TECPR1: variants seen among roughly 807,000 people sequenced by gnomAD.
TECPR1 encodes the protein tectonin beta-propeller repeat-containing protein 1.
In TECPR1, 122 loss-of-function variants were observed where a neutral mutation model predicts 162.4. That is an observed-to-expected ratio of 0.75 (90% CI 0.65 to 0.87). TECPR1 has a LOEUF of 0.87. TECPR1 is among the 40% of genes least tolerant of loss of function. The pLI is 0.00. For missense variants in TECPR1, 1,432 were observed against 1,618.2 expected (o/e 0.88, Z 1.97); for synonymous variants, 642 against 670.6 (o/e 0.96, Z 0.66).
In TECPR1 at chr7:98,221,643, A is replaced by T. The variant is rs777506180; in HGVS notation, c.3157+18T>A. ...TGCCCAGCCAAAACATTAAAAATTT[A>T]AAAAAAGAGCAACTTGCCATTCTCA... On this transcript the variant is annotated intron_variant, in intron 23 of 25. Transcript: ENST00000447648. The T allele has an allele frequency of 9.3e-5, 149 of 1,610,532 alleles. No homozygotes were observed. The highest frequency in any genetic ancestry group is 3.2e-4 in the Admixed American group (19 of 59,938).
At chr7:98,237,029 G>T (rs1798622546) in intron 9 of TECPR1, 108 bp from the exon 10 acceptor site, 1 of 1,277,212 alleles carries the variant, frequency 7.8e-7, no homozygotes, top group Non-Finnish European at 1.0e-6. Flanking sequence ...GCAGGTGTGT[G>T]TGGGCTGGGA....
At chr7:98,245,830 T>C in intron 3 of TECPR1, 92 bp downstream of exon 3, 1 of 1,181,796 alleles carries the variant, frequency 8.5e-7, no homozygotes, top group Non-Finnish European at 1.2e-6. Context: ...GTGGGGAATC[T>C]GGGGCCTCTA....
chr7:98,222,770 C>T, intron 21 of TECPR1: 1 of 792,816 alleles, frequency 1.3e-6, no homozygotes, highest in South Asian at 1.7e-5. Flanking sequence ...CCACCAAGGA[C>T]TGGGTGCCAA....
At chr7:98,219,168 G>A (rs1334793819) in intron 23 of TECPR1, among the ~76,000 whole-genome samples, 1 of 152,068 alleles carries the variant, frequency 6.6e-6, no homozygotes, top group East Asian at 1.9e-4. Flanking sequence ...AATGGTGCTG[G>A]GTAAACTGGA....
chr7:98,223,782 A>T, intron 19 of TECPR1, 64 bp from the exon 20 acceptor site: 4 of 1,558,988 alleles, frequency 2.6e-6, no homozygotes, highest in Non-Finnish European at 3.5e-6. Flanking sequence ...GGGACCGTGC[A>T]TGTAAACATT....
chr7:98,239,074 C>T (rs1025657409), intron 8 of TECPR1, among the ~76,000 whole-genome samples: 3 of 152,212 alleles, frequency 2.0e-5, no homozygotes, highest in African/African-American at 7.2e-5. Context: ...TTCATGTCGA[C>T]GTGTAAAAAT....
chr7:98,217,309 T>C lies in TECPR1; in HGVS notation c.*81A>G. On this transcript the variant is annotated 3_prime_UTR_variant, in exon 26 of 26. Transcript: ENST00000447648. ...CACCTGGGCCACATTGCTCCCACGG[T>C]GCACACTCCAGCACAAGAATGGCTC... is the stretch of plus-strand genomic sequence containing the variant. The C allele has an allele frequency of 1.0e-6, 1 of 962,214 alleles. No individual in the cohort carries two copies. Among genetic ancestry groups the C allele is most frequent in the South Asian group, 1.7e-5 (1 of 60,004 alleles). 59.6% of individuals were successfully genotyped at this position (962,214 alleles called of 1,614,324 possible).
intron 16 of TECPR1, chr7:98,228,497 G>A (rs778097800): frequency 3.7e-4 from 95 of 254,572 alleles, no homozygotes; most frequent in Admixed American, 6.7e-4. Flanking sequence ...CGTGAGCCCC[G>A]GCTTCCTCAC....
chr7:98,245,789 A>T, intron 3 of TECPR1, 133 bp downstream of exon 3: 1 of 836,378 alleles, frequency 1.2e-6, no homozygotes, highest in Non-Finnish European at 1.9e-6. Context: ...ACAGATTTTA[A>T]GTACAAGGAA....
chr7:98,248,312 C>A (rs1184550992), intron 2 of TECPR1, among the ~76,000 whole-genome samples: 1 of 152,058 alleles, frequency 6.6e-6, no homozygotes, highest in Non-Finnish European at 1.5e-5. Context: ...GGACACTGGC[C>A]CGGGGCCTGA....
rs570774343 is a variant in TECPR1, at chr7:98,244,426, G to A, written c.531+145C>T. 5.4e-5 allele frequency: 57 copies of A among 1,059,752 alleles called. 1 individual carries two copies. Among genetic ancestry groups the A allele is most frequent in the Middle Eastern group, 5.3e-4 (2 of 3,748 alleles). The allele number at this position is 1,059,752 out of a possible 1,614,324, so 65.6% of individuals were successfully genotyped here. Reference sequence around the variant, plus strand: ...GGACACGCAGTGTCGTGGTGTTCCCGGGACAGGAAACAGCTCAAAGGCCAG... The same window carrying A: ...GGACACGCAGTGTCGTGGTGTTCCCAGGACAGGAAACAGCTCAAAGGCCAG... On this transcript the variant is annotated intron_variant, in intron 5 of 25. Transcript: ENST00000447648.
At chr7:98,223,747 G>A in intron 19 of TECPR1, 29 bp from the exon 20 acceptor site, 2 of 1,612,882 alleles carry the variant, frequency 1.2e-6, no homozygotes, top group Non-Finnish European at 1.7e-6. Context: ...TGAAATCAGG[G>A]CCACTTCGTG....
Position 98,232,415 on chromosome 7 carries a change from G to A in TECPR1, c.1818+412C>T, listed in dbSNP as rs372240503. 1.3e-5 allele frequency among the ~76,000 whole-genome samples: 2 copies of A among 152,172 alleles called. No homozygotes were observed. Among genetic ancestry groups the A allele is most frequent in the East Asian group, 3.9e-4 (2 of 5,152 alleles). On this transcript the variant is annotated intron_variant, in intron 12 of 25. Transcript: ENST00000447648. The surrounding 1 kb of genome is among the most constrained non-coding windows in gnomAD (Gnocchi z 4.6). ...GAGGGCCGGGCTCTGCCACAGGATA[G>A]TGGGGCAGAAGCAGGGTCAGCCCAG...
intron 8 of TECPR1, 40 bp downstream of exon 8, chr7:98,240,811 C>A: frequency 6.5e-7 from 1 of 1,530,226 alleles, no homozygotes; most frequent in Non-Finnish European, 8.8e-7. Flanking sequence ...GTCTCCAACT[C>A]CTGGGCTCAA....
At chr7:98,234,866 G>C (rs936771514) in intron 10 of TECPR1, among the ~76,000 whole-genome samples, 1 of 151,858 alleles carries the variant, frequency 6.6e-6, no homozygotes, top group African/African-American at 2.4e-5. Flanking sequence ...CCATGCCACA[G>C]CACCCAGATA....
At chr7:98,225,225 G>A in intron 17 of TECPR1, 123 bp from the exon 18 acceptor site, 1 of 863,034 alleles carries the variant, frequency 1.2e-6, no homozygotes, top group Non-Finnish European at 1.9e-6. Context: ...CCACCTCCAG[G>A]CACTCGCACT....
intron 9 of TECPR1, among the ~76,000 whole-genome samples, chr7:98,237,157 A>G (rs1798625340): frequency 6.6e-6 from 1 of 151,904 alleles, no homozygotes; most frequent in African/African-American, 2.4e-5. Flanking sequence ...TTTCAAGGTG[A>G]CAAGGTCCAC....
intron 10 of TECPR1, among the ~76,000 whole-genome samples, chr7:98,234,370 T>C (rs1584342348): frequency 6.6e-6 from 1 of 152,292 alleles, no homozygotes; most frequent in Non-Finnish European, 1.5e-5. Flanking sequence ...GGCAGGCTGG[T>C]CTTGAACTCC....
Position 98,236,912 on chromosome 7 carries a change from TGCC to T in TECPR1, c.1042_1044del (p.Gly348del). Reference sequence around the variant, plus strand: ...TACACGGCTCGGTCCTCACAGCCAATGCCCCACACCTGGAAGAGAGAGGCTGTG... The same window carrying T: ...TACACGGCTCGGTCCTCACAGCCAATCCACACCTGGAAGAGAGAGGCTGTG... On this transcript the variant is annotated inframe_deletion, in exon 10 of 26. Coordinates refer to ENST00000447648, the MANE Select transcript of TECPR1 (RefSeq NM_015395.3). 1.3e-6 allele frequency: 2 copies of T among 1,560,676 alleles called. No individual in the cohort carries two copies. The highest frequency in any genetic ancestry group is 1.7e-6 in the Non-Finnish European group (2 of 1,152,650).
Sources: gnomAD v4.1 joint callset for allele counts (sites outside exome capture counted in the v4.1 genomes callset) on GRCh38, gnomAD v4.1.1 for gene constraint, Gnocchi (gnomAD v3.1) non-coding constraint, MANE v1.5 for transcripts, NCBI Gene and HGNC (gene_info 2026-07-23, HGNC 2026-07-21) for gene names.